Variants in CFAP299 observed in about 807,000 individuals in gnomAD.
CFAP299 encodes the protein cilia- and flagella-associated protein 299.
A neutral mutation model predicts 27.0 loss-of-function variants in CFAP299; 21 were observed. The ratio of observed to expected loss-of-function variants is 0.78; its 90% CI spans 0.55 to 1.12. CFAP299 has a LOEUF of 1.12. CFAP299 is among the 50% of genes most tolerant of loss of function. The pLI is 0.00. For synonymous variants in CFAP299, 104 were observed against 98.1 expected, an observed-to-expected ratio of 1.06 and a Z score of -0.36; for missense variants, 310 against 276.6, an observed-to-expected ratio of 1.12 and a Z score of -0.86.
intron 3 of CFAP299, among the ~76,000 whole-genome samples, chr4:80,593,519 A>G (rs1309204643): frequency 6.6e-6 from 1 of 152,180 alleles, no homozygotes; most frequent in East Asian, 1.9e-4. Flanking sequence ...GCATAAAGTT[A>G]TTTATAGTAT....
the CFAP299 span, among the ~76,000 whole-genome samples, chr4:80,327,701 T>TATATATATATATAACTTCAATAC: frequency 2.3e-4 from 14 of 61,178 alleles, no homozygotes; most frequent in South Asian, 3.3e-3. Context: ...TATATATATA[T>TATATATATATATAACTTCAATAC]ATATATATAT....
At chr4:80,531,129 C>A (rs527717214) in intron 2 of CFAP299, among the ~76,000 whole-genome samples, 1 of 152,090 alleles carries the variant, frequency 6.6e-6, no homozygotes, top group East Asian at 1.9e-4. Context: ...ATAATCTAGT[C>A]CAGATGAGGA....
At chr4:80,902,625 A>ACACACT (rs1734986021) in intron 4 of CFAP299, among the ~76,000 whole-genome samples, 5 of 148,538 alleles carry the variant, frequency 3.4e-5, no homozygotes, top group Non-Finnish European at 7.5e-5. Context: ...ACACACACAC[A>ACACACT]CTTTGGTGAC....
chr4:80,691,892 C>A (rs528615441), intron 3 of CFAP299, among the ~76,000 whole-genome samples: 1 of 152,120 alleles, frequency 6.6e-6, no homozygotes, highest in Non-Finnish European at 1.5e-5. Context: ...CATTCTTATA[C>A]ACCAACAACA....
chr4:80,741,046 G>C (rs1724233175), intron 3 of CFAP299, among the ~76,000 whole-genome samples: 1 of 152,110 alleles, frequency 6.6e-6, no homozygotes, highest in African/African-American at 2.4e-5. Flanking sequence ...ACTATGGCCT[G>C]GGTGATATCC....
At chr4:80,800,511 A>ATATATAATATATTGATATATTAATATAT (rs1728455260) in intron 3 of CFAP299, among the ~76,000 whole-genome samples, 2 of 31,230 alleles carry the variant, frequency 6.4e-5, no homozygotes, top group Non-Finnish European at 1.0e-4. Context: ...ATATTATATA[A>ATATATAATATATTGATATATTAATATAT]TATATAATAT....
At chr4:80,958,418 G>C (rs1738175551) in intron 5 of CFAP299, among the ~76,000 whole-genome samples, 1 of 152,098 alleles carries the variant, frequency 6.6e-6, no homozygotes, top group Admixed American at 6.6e-5. Flanking sequence ...AACTGATGCA[G>C]ATCACTAAAT....
intron 3 of CFAP299, among the ~76,000 whole-genome samples, chr4:80,781,013 A>G (rs990075373): frequency 2.0e-5 from 3 of 151,972 alleles, no homozygotes; most frequent in Non-Finnish European, 1.5e-5. Context: ...ACATAATTAT[A>G]TGCTTCCTAT....
chr4:80,873,089 C>T (rs1320493093), intron 4 of CFAP299: 3 of 837,658 alleles, frequency 3.6e-6, no homozygotes, highest in Admixed American at 6.2e-5. Flanking sequence ...TATAGTTTTG[C>T]TTTTGATTTT....
intron 3 of CFAP299, among the ~76,000 whole-genome samples, chr4:80,725,815 G>C (rs1723127850): frequency 6.6e-6 from 1 of 152,138 alleles, no homozygotes; most frequent in Non-Finnish European, 1.5e-5. Flanking sequence ...CTGAGTTCCA[G>C]AGACTGTGCT....
chr4:80,469,938 A>G (rs894425157), intron 2 of CFAP299, among the ~76,000 whole-genome samples: 1 of 152,182 alleles, frequency 6.6e-6, no homozygotes, highest in African/African-American at 2.4e-5. Flanking sequence ...AAAACATAAA[A>G]TTGAGCAAGA....
intron 3 of CFAP299, among the ~76,000 whole-genome samples, chr4:80,666,936 G>A (rs1741169900): frequency 6.6e-6 from 1 of 152,144 alleles, no homozygotes; most frequent in South Asian, 2.1e-4. Flanking sequence ...TGTCTACCTC[G>A]ATTTTCTTCA....
At chr4:80,771,106 G>A (rs1256371862) in intron 3 of CFAP299, among the ~76,000 whole-genome samples, 1 of 152,134 alleles carries the variant, frequency 6.6e-6, no homozygotes, top group African/African-American at 2.4e-5. Flanking sequence ...GGGAGTGGGA[G>A]TCATGCGGGC....
intron 3 of CFAP299, among the ~76,000 whole-genome samples, chr4:80,712,768 G>C (rs937679863): frequency 2.6e-5 from 4 of 152,074 alleles, no homozygotes; most frequent in African/African-American, 9.7e-5. Flanking sequence ...GCCATAAAAT[G>C]ATCTGTTGAC....
At chr4:80,740,973 GTGC>G (rs2110064077) in intron 3 of CFAP299, among the ~76,000 whole-genome samples, 1 of 152,280 alleles carries the variant, frequency 6.6e-6, no homozygotes, top group Admixed American at 6.5e-5. Flanking sequence ...AGGTCCAAAA[GTGC>G]TCTCCAAGAG....
chr4:80,406,507 G>A lies in CFAP299; in HGVS notation c.242+43623G>A, dbSNP rs188790481. On this transcript the variant is annotated intron_variant, in intron 2 of 5. Transcript: ENST00000358105. The stretch of plus-strand genomic sequence containing the variant: ...AGCCACCAAAGTAGCTGGGACCATA[G>A]GCTCATGCCACCACACCCAGCTCAT... Among the ~76,000 whole-genome samples the A allele has an allele frequency of 1.7e-3, 259 of 152,210 alleles. 3 individuals are homozygous for A. Among genetic ancestry groups the A allele is most frequent in the African/African-American group, 5.8e-3 (242 of 41,536 alleles).
chr4:80,555,184 A>C (rs758060815), intron 2 of CFAP299, among the ~76,000 whole-genome samples: 3 of 152,080 alleles, frequency 2.0e-5, no homozygotes, highest in Non-Finnish European at 4.4e-5. Flanking sequence ...TTCAATACCT[A>C]GTTGATTGAG....
rs146390582 is a variant in CFAP299, at chr4:80,629,646, G to A, written c.333+46463G>A. ...TGTAACCCCAACACTTTGGGAGGCC[G>A]AGATGGGCGGATCACTTGAGGTCAG... On this transcript the variant is annotated intron_variant, in intron 3 of 5. Transcript: ENST00000358105. Among the ~76,000 whole-genome samples, 1,246 of 152,086 alleles carry A rather than the reference G, an allele frequency of 8.2e-3. 37 individuals are homozygous for A. The highest frequency in any genetic ancestry group is 0.073 in the East Asian group (378 of 5,168).
In CFAP299 at chr4:80,843,169, G is replaced by A. The variant is rs1447960944; in HGVS notation, c.334-26824G>A. ...ATATGTATACATGTGCCATGTTGCT[G>A]TGCTGCACCCATTAACTCGTCGTTT... On this transcript the variant is annotated intron_variant, in intron 3 of 5. Coordinates refer to ENST00000358105, the MANE Select transcript of CFAP299 (RefSeq NM_152770.3). Among the ~76,000 whole-genome samples, 4 of 151,920 alleles carry A rather than the reference G, an allele frequency of 2.6e-5. No individual in the cohort carries two copies. In the South Asian group the frequency reaches 8.3e-4, roughly 32 times the overall value.
Sources: allele counts gnomAD v4.1 joint callset (sites outside exome capture counted in the v4.1 genomes callset), GRCh38; gene constraint gnomAD v4.1.1; transcripts MANE v1.5; gene names NCBI Gene and HGNC (gene_info 2026-07-23, HGNC 2026-07-21).